MAP3K15: variants seen among roughly 807,000 people sequenced by gnomAD.
The protein encoded by MAP3K15 is mitogen-activated protein kinase kinase kinase 15.
MAP3K15 carries 124 observed loss-of-function variants against 99.5 expected under a neutral mutation model. The ratio of observed to expected loss-of-function variants is 1.25; its 90% confidence interval spans 1.08 to 1.45. MAP3K15 has a LOEUF of 1.45. Ranked by LOEUF, MAP3K15 falls within the 40% of genes most tolerant of loss-of-function variation. MAP3K15 has a pLI of 0.00. For missense variants in MAP3K15, 1,242 were observed against 1,079.7 expected, an observed-to-expected ratio of 1.15 and a Z score of -2.11; for synonymous variants, 494 against 439.6, an observed-to-expected ratio of 1.12 and a Z score of -1.55.
At chrX:19,506,599 CAA>C (rs199722952) in intron 1 of MAP3K15, among the ~76,000 whole-genome samples, 3,385 of 111,360 alleles carry the variant, frequency 0.03, 110 homozygotes, top group African/African-American at 0.093. Context: ...TGGCCCACTG[CAA>C]AACCTCCACC....
chrX:19,463,899 G>A (rs1404187910), intron 4 of MAP3K15, among the ~76,000 whole-genome samples: 1 of 107,647 alleles, frequency 9.3e-6, no homozygotes, highest in Non-Finnish European at 1.9e-5. Flanking sequence ...GAAAGAGATC[G>A]TTAAAAAAAA....
Position 19,392,451 on chromosome X carries a change from T to A in MAP3K15, c.2217A>T (p.Arg739=). 1 of 1,210,320 alleles carries A rather than the reference T, an allele frequency of 8.3e-7. No individual in the cohort carries two copies. Among genetic ancestry groups the A allele is most frequent in the Non-Finnish European group, 1.1e-6 (1 of 894,779 alleles). The part of the protein sequence containing the change: ...VPGGSLSALL[R]SKWGPMKEPT... ...GTTCCTTCATCGGCCCCCATTTGGA[T>A]CGCAGAAGAGCAGAAAGGCTTCCTA... Residue 739 remains arginine, a synonymous_variant, in exon 17 of 29, where the codon CGA becomes CGT. Coordinates refer to ENST00000338883, the MANE Select transcript of MAP3K15 (RefSeq NM_001001671.4).
At chrX:19,381,927 G>A (rs771285880) in intron 18 of MAP3K15, among the ~76,000 whole-genome samples, 34 of 111,671 alleles carry the variant, frequency 3.0e-4, no homozygotes, top group Middle Eastern at 4.6e-3. Context: ...GCCTATCTGA[G>A]GATTACACAA....
At chrX:19,450,101 C>T (rs1224510330) in intron 6 of MAP3K15, among the ~76,000 whole-genome samples, 3 of 109,504 alleles carry the variant, frequency 2.7e-5, no homozygotes, top group African/African-American at 9.8e-5. Flanking sequence ...AATTACTTGA[C>T]CACGGCCATA....
At chrX:19,362,580 A>G (rs1054750379) in intron 26 of MAP3K15, among the ~76,000 whole-genome samples, 158 bp downstream of exon 26, 12 of 110,982 alleles carry the variant, frequency 1.1e-4, no homozygotes, top group African/African-American at 3.9e-4. Context: ...CAATGCAGCC[A>G]TGTTGTTGAA....
At chrX:19,445,227 C>G (rs953920276) in intron 6 of MAP3K15, among the ~76,000 whole-genome samples, 1 of 110,311 alleles carries the variant, frequency 9.1e-6, no homozygotes, top group Non-Finnish European at 1.9e-5. Flanking sequence ...AAATTCGTAT[C>G]TCAGGGGCTG....
chrX:19,437,257 C>T (rs1299222324), intron 6 of MAP3K15, among the ~76,000 whole-genome samples: 1 of 111,736 alleles, frequency 8.9e-6, no homozygotes, highest in East Asian at 2.8e-4. Flanking sequence ...AGTCTCAACA[C>T]AGAAGTCATA....
At chrX:19,403,664 T>C (rs113806619) in intron 13 of MAP3K15, among the ~76,000 whole-genome samples, 2,815 of 106,623 alleles carry the variant, frequency 0.026, 105 homozygotes, top group African/African-American at 0.09. Context: ...GACGGGGTTT[T>C]ACCATGTCGC....
At position 19,469,701 on chromosome X, in the gene MAP3K15, C is replaced by T. The variant is rs1278947179; in HGVS notation, c.526-5295G>A. Among the ~76,000 whole-genome samples, 98 of 111,141 alleles carry T rather than the reference C, an allele frequency of 8.8e-4. 1 individual carries two copies. In the Admixed American group the frequency reaches 9.4e-3, roughly 11 times the overall value. On this transcript the variant is annotated intron_variant, in intron 3 of 28. Coordinates refer to ENST00000338883, the MANE Select transcript of MAP3K15 (RefSeq NM_001001671.4). ...TCTACAATGAACTCAAACAAATTTA[C>T]AAGAAAAAAACAAACAACCCCATCA...
chrX:19,399,185 A>C (rs2063589678), intron 14 of MAP3K15, among the ~76,000 whole-genome samples: 1 of 112,046 alleles, frequency 8.9e-6, no homozygotes, highest in South Asian at 3.7e-4. Context: ...TCATGCTTGT[A>C]ATCCTAGCAC....
chrX:19,363,651 TTTTTG>T (rs1482544468), intron 25 of MAP3K15, among the ~76,000 whole-genome samples: 4,259 of 100,935 alleles, frequency 0.042, 204 homozygotes, highest in African/African-American at 0.17. Flanking sequence ...TCTTATTTTG[TTTTTG>T]TTTTTTTTTT....
At chrX:19,445,768 G>A (rs982609128) in intron 6 of MAP3K15, among the ~76,000 whole-genome samples, 4 of 107,933 alleles carry the variant, frequency 3.7e-5, no homozygotes, top group African/African-American at 6.7e-5. Context: ...CCAACATAGC[G>A]AAAGCCAATA....
chrX:19,368,499 A>T (rs1163212958), intron 25 of MAP3K15, among the ~76,000 whole-genome samples: 1 of 113,176 alleles, frequency 8.8e-6, no homozygotes, highest in East Asian at 2.8e-4. Flanking sequence ...AGACCAGTGC[A>T]TTGGAGGAAT....
chrX:19,447,395 T>C (rs902986650), intron 6 of MAP3K15, among the ~76,000 whole-genome samples: 2 of 111,901 alleles, frequency 1.8e-5, no homozygotes, highest in African/African-American at 6.5e-5. Context: ...CCTCCCTACA[T>C]TGCTGAAATA....
intron 19 of MAP3K15, chrX:19,376,742 GC>G (rs956315316): frequency 5.4e-5 from 6 of 110,802 alleles, no homozygotes; most frequent in African/African-American, 2.0e-4. Context: ...AATGCACCTG[GC>G]TCAAATATCC....
At chrX:19,484,189 G>A (rs2064309050) in intron 3 of MAP3K15, among the ~76,000 whole-genome samples, 1 of 112,046 alleles carries the variant, frequency 8.9e-6, no homozygotes, top group South Asian at 3.7e-4. Context: ...CAGGAGGTGA[G>A]TGGTGGGTGA....
At chrX:19,490,178 CACACACATACATACAA>C (rs2064358797) in intron 1 of MAP3K15, among the ~76,000 whole-genome samples, 1 of 93,236 alleles carries the variant, frequency 1.1e-5, no homozygotes, top group African/African-American at 3.8e-5. Flanking sequence ...CACACACACA[CACACACATACATACAA>C]AAATTCCTTA....
chrX:19,460,167 A>T lies in MAP3K15; in HGVS notation c.720-14T>A, dbSNP rs913081572. 1 of 1,141,212 alleles carries T rather than the reference A, an allele frequency of 8.8e-7. No individual in the cohort carries two copies. The highest frequency in any genetic ancestry group is 1.8e-5 in the African/African-American group (1 of 55,423). 94.0% of individuals were successfully genotyped at this position (1,141,212 alleles called of 1,213,427 possible). On this transcript the variant is annotated splice_polypyrimidine_tract_variant and intron_variant, in intron 4 of 28. Coordinates refer to ENST00000338883, the MANE Select transcript of MAP3K15 (RefSeq NM_001001671.4). ...TTGTAATAAACACTATAGAAAGAAA[A>T]ACACAAAATCCTCCAGTCACATCTG...
Position 19,480,899 on chromosome X carries a change from G to A in MAP3K15, c.525+5583C>T, listed in dbSNP as rs183761895. ...GGAGGCTGAGGTGGGCAGACTGCTCGAGCCCAGGAGTTTGAGACCAGCCTG... is the reference window on the plus strand; with the variant it reads ...GGAGGCTGAGGTGGGCAGACTGCTCAAGCCCAGGAGTTTGAGACCAGCCTG... On this transcript the variant is annotated intron_variant, in intron 3 of 28. Coordinates refer to ENST00000338883, the MANE Select transcript of MAP3K15 (RefSeq NM_001001671.4). Among the ~76,000 whole-genome samples the A allele has an allele frequency of 5.3e-4, 57 of 107,469 alleles. 1 individual carries two copies. The highest frequency in any genetic ancestry group is 1.9e-3 in the African/African-American group (55 of 29,420). 93.3% of individuals were successfully genotyped at this position (107,469 alleles called of 115,157 possible).
Sources: allele counts gnomAD v4.1 joint callset (sites outside exome capture counted in the v4.1 genomes callset), GRCh38; gene constraint gnomAD v4.1.1; transcripts MANE v1.5; gene names NCBI Gene and HGNC (gene_info 2026-07-23, HGNC 2026-07-21).